SP140: variants seen among roughly 807,000 people sequenced by gnomAD.
SP140 encodes SP140 nuclear body protein.
Under a neutral mutation model 125.0 loss-of-function variants are expected in SP140, and 81 were observed. The observed-to-expected ratio is 0.65, with a 90% CI of 0.54 to 0.78. The LOEUF is 0.78. SP140 is among the 30% of genes least tolerant of loss of function. SP140 has a pLI of 0.00. For synonymous variants in SP140, 312 were observed against 354.0 expected, an observed-to-expected ratio of 0.88 and a Z score of 1.33; for missense variants, 858 against 1,037.0, an observed-to-expected ratio of 0.83 and a Z score of 2.37.
intron 15 of SP140, among the ~76,000 whole-genome samples, chr2:230,272,587 C>A: frequency 6.6e-6 from 1 of 152,174 alleles, no homozygotes; most frequent in East Asian, 1.9e-4. Context: ...TCCTTGTCTT[C>A]CACCATGATT....
At chr2:230,276,269 T>C in intron 15 of SP140, among the ~76,000 whole-genome samples, 1 of 152,140 alleles carries the variant, frequency 6.6e-6, no homozygotes, top group East Asian at 1.9e-4. Context: ...CTGAGTCTCT[T>C]GTTAGAAGCT....
chr2:230,270,439 T>C, intron 14 of SP140, 147 bp from the exon 15 acceptor site: 2 of 778,166 alleles, frequency 2.6e-6, no homozygotes, highest in African/African-American at 1.8e-5. Context: ...CTCAGTTCGG[T>C]GGGTTTTTGG....
In SP140 at chr2:230,312,572, T is replaced by C; in HGVS notation, c.2506-14T>C. On this transcript the variant is annotated splice_polypyrimidine_tract_variant and intron_variant, in intron 26 of 26. Transcript: ENST00000392045. ...TGATGAGGAGCATTGTTTTTGTCTTTATTATTTTTTCAGTACAAGGATTTT... is the reference window on the plus strand; with the variant it reads ...TGATGAGGAGCATTGTTTTTGTCTTCATTATTTTTTCAGTACAAGGATTTT... 6.4e-7 allele frequency: 1 copy of C among 1,560,070 alleles called. No homozygotes were observed. Among genetic ancestry groups the C allele is most frequent in the South Asian group, 1.1e-5 (1 of 89,204 alleles).
At chr2:230,291,548 C>A (rs926085554) in intron 19 of SP140, among the ~76,000 whole-genome samples, 1 of 152,186 alleles carries the variant, frequency 6.6e-6, no homozygotes, top group African/African-American at 2.4e-5. Context: ...TGCCTTCATT[C>A]ACTAATTGTG....
intron 12 of SP140, among the ~76,000 whole-genome samples, chr2:230,265,398 G>A (rs886532474): frequency 6.6e-6 from 1 of 152,158 alleles, no homozygotes; most frequent in Non-Finnish European, 1.5e-5. Context: ...AGAAGAAAAA[G>A]GCTTGGTTCT....
In SP140 at chr2:230,231,543, G is replaced by C. The variant is rs544278283; in HGVS notation, c.60-5540G>C. ...CTCCTTTTTAAATAGTCTGTTTCTT[G>C]TAGTTCTTCCAGCTGTAATCTGCTC... On this transcript the variant is annotated intron_variant, in intron 1 of 26. Coordinates refer to ENST00000392045, the MANE Select transcript of SP140 (RefSeq NM_007237.5). 2.0e-5 allele frequency among the ~76,000 whole-genome samples: 3 copies of C among 152,198 alleles called. No homozygotes were observed. In the East Asian group the frequency reaches 5.8e-4, roughly 29 times the overall value.
chr2:230,224,021 C>T (rs887600890), upstream of SP140, among the ~76,000 whole-genome samples: 1 of 152,296 alleles, frequency 6.6e-6, no homozygotes, highest in African/African-American at 2.4e-5. Flanking sequence ...CCCAGGAATC[C>T]CTTACCCAGG....
chr2:230,289,720 C>G (rs969490578), intron 18 of SP140, among the ~76,000 whole-genome samples: 1 of 152,176 alleles, frequency 6.6e-6, no homozygotes, highest in Admixed American at 6.5e-5. Flanking sequence ...AGTGATCCAC[C>G]TGCCTTGCCC....
intron 12 of SP140, among the ~76,000 whole-genome samples, chr2:230,257,309 C>A: frequency 6.6e-6 from 1 of 150,910 alleles, no homozygotes; most frequent in African/African-American, 2.4e-5. Flanking sequence ...AAAATAGAGC[C>A]AGAAAAGAGA....
chr2:230,240,895 A>G (rs2048629727), intron 3 of SP140, among the ~76,000 whole-genome samples: 1 of 152,208 alleles, frequency 6.6e-6, no homozygotes, highest in Non-Finnish European at 1.5e-5. Flanking sequence ...AAAATCTGGA[A>G]CCAACCCAAA....
intron 17 of SP140, 136 bp from the exon 18 acceptor site, chr2:230,287,756 T>G: frequency 1.6e-6 from 1 of 641,278 alleles, no homozygotes; most frequent in East Asian, 2.9e-5. Context: ...CCTTAAAGGC[T>G]AGGGTTTAAA....
intron 5 of SP140, 122 bp from the exon 6 acceptor site, chr2:230,244,866 C>G (rs6729307): frequency 1.1e-5 from 7 of 632,626 alleles, no homozygotes; most frequent in Non-Finnish European, 1.7e-5. Context: ...GGGGCTCAGG[C>G]GAGGTCCTTG....
At chr2:230,200,655 A>G (rs2043088335), upstream of SP140, 4 of 573,716 alleles carry the variant, frequency 7.0e-6, no homozygotes, top group South Asian at 6.2e-5. Flanking sequence ...AAAATCTTAT[A>G]TAGTGCAGAT....
At chr2:230,313,949 A>T (rs1265584364), downstream of SP140, among the ~76,000 whole-genome samples, 1 of 152,244 alleles carries the variant, frequency 6.6e-6, no homozygotes, top group Admixed American at 6.5e-5. Flanking sequence ...TCCTGAAAAG[A>T]GTAAATGACA....
At chr2:230,294,200 A>T (rs112790288) in intron 20 of SP140, 71 bp from the exon 21 acceptor site, 2 of 1,199,184 alleles carry the variant, frequency 1.7e-6, no homozygotes, top group African/African-American at 3.0e-5. Flanking sequence ...ATTTGGGAGG[A>T]GGTTGGAAAT....
upstream of SP140, chr2:230,200,987 T>A: frequency 6.4e-7 from 1 of 1,571,726 alleles, no homozygotes; most frequent in Non-Finnish European, 8.8e-7. Flanking sequence ...AAGATCTTAG[T>A]AAATGCCCCT....
At chr2:230,310,672 A>T (rs1029471003) in intron 23 of SP140, 71 bp from the exon 24 acceptor site, 21 of 1,255,022 alleles carry the variant, frequency 1.7e-5, no homozygotes, top group Non-Finnish European at 2.3e-5. Context: ...GAAGGAAGAC[A>T]GTGGTAGCCA....
intron 1 of SP140, chr2:230,203,813 T>C (rs1367393753): frequency 6.6e-6 from 1 of 152,216 alleles, no homozygotes; most frequent in African/African-American, 2.4e-5. Context: ...AATATGACTC[T>C]TAAAAATATC....
At position 230,284,373 on chromosome 2, in the gene SP140, G is replaced by C. The variant is rs2056071652; in HGVS notation, c.1526G>C (p.Arg509Thr). ...RRKKRGHGWS[R>T]MRMRRQENSQ... is the part of the protein sequence containing the mutation. The stretch of plus-strand genomic sequence containing the variant: ...AAAAAGAGGGGGCATGGCTGGAGCA[G>C]AATGAGAATGAGAAGGCAGGAAAAC... The change falls in exon 16 of 27, where the codon AGA (arginine) becomes ACA (threonine). Residue 509 changes from arginine (R) to threonine (T), a missense_variant. Arg to Thr is a moderately conservative substitution (Grantham distance 71). Coordinates refer to ENST00000392045, the MANE Select transcript of SP140 (RefSeq NM_007237.5). 6.2e-7 allele frequency: 1 copy of C among 1,607,750 alleles called. No individual in the cohort carries two copies. Among genetic ancestry groups the C allele is most frequent in the African/African-American group, 1.3e-5 (1 of 74,610 alleles).
Sources: allele counts gnomAD v4.1 joint callset (sites outside exome capture counted in the v4.1 genomes callset), GRCh38; gene constraint gnomAD v4.1.1; transcripts MANE v1.5; gene names NCBI Gene and HGNC (gene_info 2026-07-23, HGNC 2026-07-21).